The following SERINC3 variants were observed in gnomAD, a reference collection of about 807,000 sequenced individuals.
The protein encoded by SERINC3 is tumor differentially expressed protein 1.
A neutral mutation model predicts 52.1 loss-of-function variants in SERINC3; 22 were observed. The ratio of observed to expected loss-of-function variants is 0.42; its 90% CI spans 0.30 to 0.60. The LOEUF (loss-of-function observed/expected upper bound fraction) is 0.60. SERINC3 is among the 20% of genes least tolerant of loss of function. The pLI is 0.16. For synonymous variants in SERINC3, 226 were observed against 212.7 expected (o/e 1.06, Z -0.54); for missense variants, 564 against 584.6 (o/e 0.96, Z 0.36).
intron 2 of SERINC3, among the ~76,000 whole-genome samples, chr20:44,513,638 T>C (rs1359800932): frequency 6.6e-6 from 1 of 152,020 alleles, no homozygotes; most frequent in African/African-American, 2.4e-5. Context: ...GGAAAGAAAA[T>C]GTTTTGGAGC....
chr20:44,501,091 G>A lies in SERINC3; in HGVS notation c.1265C>T (p.Thr422Ile). Residue 422 changes from threonine (T) to isoleucine (I), a missense_variant, in exon 9 of 10, where the codon ACC (threonine) becomes ATC (isoleucine). Thr to Ile is a moderately conservative substitution (Grantham distance 89, BLOSUM62 -1). Transcript: ENST00000342374. ...CTCCTACCTGTACCAGCTGGTCAGG[G>A]TCATCATGATGTACAAGGAAGCCAA... Reference protein sequence around the residue: ...LCLASLYIMMTLTSWYSPDAK... With the variant: ...LCLASLYIMMILTSWYSPDAK... 6.2e-7 allele frequency: 1 copy of A among 1,613,582 alleles called. No homozygotes were observed. Among genetic ancestry groups the A allele is most frequent in the Non-Finnish European group, 8.5e-7 (1 of 1,179,550 alleles).
intron 5 of SERINC3, among the ~76,000 whole-genome samples, chr20:44,508,487 A>C (rs2064328445): frequency 6.7e-6 from 1 of 150,020 alleles, no homozygotes; most frequent in Non-Finnish European, 1.5e-5. Flanking sequence ...AGAGAGTGAG[A>C]CCCAATCTCA....
intron 1 of SERINC3, among the ~76,000 whole-genome samples, chr20:44,516,716 A>T (rs2064382939): frequency 6.6e-6 from 1 of 152,180 alleles, no homozygotes; most frequent in South Asian, 2.1e-4. Flanking sequence ...TTTTAAAAAG[A>T]CAAGGCGTCA....
chr20:44,497,655 C>A lies in SERINC3; in HGVS notation c.*2641G>T, dbSNP rs934691742. The stretch of plus-strand genomic sequence containing the variant: ...AAAATAAGGGGCTACATTTCCCCAT[C>A]TGACCCTCAAATCCCTTGAAACGCT... On this transcript the variant is annotated 3_prime_UTR_variant, in exon 10 of 10. Coordinates refer to ENST00000342374, the MANE Select transcript of SERINC3 (RefSeq NM_006811.4). 6.6e-6 allele frequency: 1 copy of A among 152,302 alleles called. No individual in the cohort carries two copies. The highest frequency in any genetic ancestry group is 1.5e-5 in the Non-Finnish European group (1 of 68,046). The allele number at this position is 152,302 out of a possible 1,614,324, so 9.4% of individuals were successfully genotyped here.
chr20:44,513,961 A>C lies in SERINC3; in HGVS notation c.119T>G (p.Leu40Arg). The C allele has an allele frequency of 6.2e-7, 1 of 1,614,216 alleles. No individual in the cohort carries two copies. The highest frequency in any genetic ancestry group is 1.1e-5 in the South Asian group (1 of 91,084). Residue 40 changes from leucine (L) to arginine (R), a missense_variant, in exon 2 of 10, where the codon CTC (leucine) becomes CGC (arginine). By Grantham distance (102) the Leu-to-Arg change is moderately radical (BLOSUM62 -2). Transcript: ENST00000342374. ...PNSKNSTVTR[L>R]IYAFILLLST... is the part of the protein sequence containing the mutation. ...CAGGAGGAGAATGAAAGCATAAATG[A>C]GGCGAGTCACCGTGGAATTCTTACT...
chr20:44,519,668 C>T (rs549382069), intron 1 of SERINC3, among the ~76,000 whole-genome samples: 1 of 152,060 alleles, frequency 6.6e-6, no homozygotes, highest in Non-Finnish European at 1.5e-5. Flanking sequence ...TGGTGTCACA[C>T]ACCTGTACTG....
intron 1 of SERINC3, among the ~76,000 whole-genome samples, chr20:44,521,668 G>A (rs6103759): frequency 0.031 from 4,738 of 152,346 alleles, 96 homozygotes; most frequent in Middle Eastern, 0.058. Context: ...TCGCAGGGCG[G>A]AGCCATCCGA....
At chr20:44,518,318 C>CA (rs3091899) in intron 1 of SERINC3, among the ~76,000 whole-genome samples, 352 of 87,510 alleles carry the variant, frequency 4.0e-3, no homozygotes, top group East Asian at 8.1e-3. Flanking sequence ...AAATTAGCCT[C>CA]AAAAAAAAAA....
At position 44,509,955 on chromosome 20, in the gene SERINC3, A is replaced by G; in HGVS notation, c.549T>C (p.Ala183=). ...TTACCCATGATTCATTCCAAGAATGAGCAAAATCTACCAGCAGCACCAGCT... is the reference window on the plus strand; with the variant it reads ...TTACCCATGATTCATTCCAAGAATGGGCAAAATCTACCAGCAGCACCAGCT... ...LIQLVLLVDF[A]HSWNESWVNR... is the part of the protein sequence containing the mutation. The change falls in exon 5 of 10, where the codon GCT becomes GCC. Residue 183 remains alanine (A), a synonymous_variant. Transcript: ENST00000342374. 1 of 1,614,160 alleles carries G rather than the reference A, an allele frequency of 6.2e-7. No homozygotes were observed. The highest frequency in any genetic ancestry group is 8.5e-7 in the Non-Finnish European group (1 of 1,179,986).
chr20:44,496,531 C>T (rs73615463), downstream of SERINC3, among the ~76,000 whole-genome samples: 1,804 of 152,302 alleles, frequency 0.012, 14 homozygotes, highest in East Asian at 0.062. Context: ...CAGTGGCTCC[C>T]GCCTGTAATC....
In SERINC3 at chr20:44,500,106, T is replaced by C. The variant is rs1026217952; in HGVS notation, c.*190A>G. 26 of 612,268 alleles carry C rather than the reference T, an allele frequency of 4.2e-5. No homozygotes were observed. Among genetic ancestry groups the C allele is most frequent in the Middle Eastern group, 7.6e-4 (2 of 2,616 alleles). 37.9% of individuals were successfully genotyped at this position (612,268 alleles called of 1,614,324 possible). A position where few individuals can be genotyped will look rare whatever the true frequency, so the allele number is the denominator to read the frequency against. On this transcript the variant is annotated 3_prime_UTR_variant, in exon 10 of 10. Coordinates refer to ENST00000342374, the MANE Select transcript of SERINC3 (RefSeq NM_006811.4). ...TATATCCTTAGAAGTAAACATAATATACAGATAAATGAGAAGTTTCGATTC... is the reference window on the plus strand; with the variant it reads ...TATATCCTTAGAAGTAAACATAATACACAGATAAATGAGAAGTTTCGATTC...
chr20:44,517,464 T>C (rs891953629), intron 1 of SERINC3, among the ~76,000 whole-genome samples: 2 of 152,044 alleles, frequency 1.3e-5, no homozygotes, highest in African/African-American at 4.8e-5. Context: ...TAATTCAATA[T>C]AACTGTGTCC....
intron 1 of SERINC3, among the ~76,000 whole-genome samples, chr20:44,517,584 C>T (rs1025600566): frequency 5.8e-4 from 75 of 129,210 alleles, no homozygotes; most frequent in Admixed American, 5.7e-3. Flanking sequence ...GCCAGCAAAC[C>T]AAAAAAAAAA....
At chr20:44,518,906 G>A (rs1297044988) in intron 1 of SERINC3, among the ~76,000 whole-genome samples, 1 of 151,410 alleles carries the variant, frequency 6.6e-6, no homozygotes, top group Non-Finnish European at 1.5e-5. Context: ...GGAGATTGCA[G>A]TGAGCCAAGA....
chr20:44,513,117 A>AT, intron 2 of SERINC3, 123 bp from the exon 3 acceptor site: 1 of 544,240 alleles, frequency 1.8e-6, no homozygotes, highest in East Asian at 3.4e-5. Context: ...TGACTATGGA[A>AT]TTTTTCTCTT....
At chr20:44,509,791 TCCC>T in intron 5 of SERINC3, 97 bp downstream of exon 5, 1 of 1,305,756 alleles carries the variant, frequency 7.7e-7, no homozygotes, top group South Asian at 1.3e-5. Context: ...TGGACTTCTG[TCCC>T]TGAGGACTAT....
chr20:44,516,912 G>C (rs2064384191), intron 1 of SERINC3, among the ~76,000 whole-genome samples: 1 of 152,128 alleles, frequency 6.6e-6, no homozygotes, highest in South Asian at 2.1e-4. Flanking sequence ...TGCTCTGAGG[G>C]GGTGACATTA....
rs970488978 is a variant in SERINC3, at chr20:44,499,743, G to A, written c.*553C>T. ...AAAAACTCAAGATGTAGAAGCAGTA[G>A]CCATATCAGCAACCATTCTTCTAGG... On this transcript the variant is annotated 3_prime_UTR_variant, in exon 10 of 10. Transcript: ENST00000342374. 2 of 152,332 alleles carry A rather than the reference G, an allele frequency of 1.3e-5. No individual in the cohort carries two copies. The highest frequency in any genetic ancestry group is 4.8e-5 in the African/African-American group (2 of 41,442). 9.4% of individuals were successfully genotyped at this position (152,332 alleles called of 1,614,324 possible).
Position 44,512,909 on chromosome 20 carries a change from T to G in SERINC3, c.287A>C (p.Lys96Thr). The G allele has an allele frequency of 1.3e-6, 2 of 1,574,460 alleles. No homozygotes were observed. The highest frequency in any genetic ancestry group is 1.7e-6 in the Non-Finnish European group (2 of 1,167,160). ...DKDCDVLVGY[K>T]AVYRISFAMA... Reference sequence around the variant, plus strand: ...GGCAAAGCTGATCCGATACACAGCTTTATAACCAACCAGCACATCACAATC... The same window carrying G: ...GGCAAAGCTGATCCGATACACAGCTGTATAACCAACCAGCACATCACAATC... Residue 96 changes from lysine (K) to threonine (T), a missense_variant, in exon 3 of 10, where the codon AAA (lysine) becomes ACA (threonine). Physicochemically the swap from Lys to Thr is moderately conservative, Grantham distance 78. Transcript: ENST00000342374.
Sources: allele counts gnomAD v4.1 joint callset (sites outside exome capture counted in the v4.1 genomes callset), GRCh38; gene constraint gnomAD v4.1.1; transcripts MANE v1.5; gene names NCBI Gene and HGNC (gene_info 2026-07-23, HGNC 2026-07-21).